The following SPARCL1 variants were observed in gnomAD, a reference collection of about 807,000 sequenced individuals.
The protein encoded by SPARCL1 is SPARC like 1.
In SPARCL1, 52 loss-of-function variants were observed where a neutral mutation model predicts 67.1. The observed-to-expected ratio is 0.78, with a 90% confidence interval of 0.62 to 0.98. The LOEUF (loss-of-function observed/expected upper bound fraction) is 0.98, where lower values mean the gene tolerates loss of function less well. Ranked by LOEUF, SPARCL1 falls within the 50% of genes least tolerant of loss-of-function variation. The pLI, the probability that SPARCL1 is intolerant of heterozygous loss-of-function variation, is 0.00. For missense variants in SPARCL1, 717 were observed against 782.4 expected, an observed-to-expected ratio of 0.92 and a Z score of 1.00; for synonymous variants, 226 against 267.8, an observed-to-expected ratio of 0.84 and a Z score of 1.52.
chr4:87,508,589 C>A (rs1257498850), intron 1 of SPARCL1, among the ~76,000 whole-genome samples: 2 of 151,746 alleles, frequency 1.3e-5, no homozygotes, highest in African/African-American at 2.4e-5. Flanking sequence ...TACAATCACA[C>A]AAGGTAGGTA....
intron 1 of SPARCL1, among the ~76,000 whole-genome samples, chr4:87,510,056 A>G (rs915473116): frequency 6.6e-6 from 1 of 152,248 alleles, no homozygotes; most frequent in Non-Finnish European, 1.5e-5. Flanking sequence ...TAAAGTCATC[A>G]ATTAAAAATT....
intron 3 of SPARCL1, among the ~76,000 whole-genome samples, 165 bp downstream of exon 3, chr4:87,494,816 T>A (rs1365143224): frequency 2.6e-5 from 4 of 152,204 alleles, no homozygotes; most frequent in African/African-American, 9.6e-5. Context: ...GTAAAACTCA[T>A]TAATCCTCAT....
intron 2 of SPARCL1, among the ~76,000 whole-genome samples, chr4:87,495,990 T>A (rs949921712): frequency 6.6e-6 from 1 of 152,112 alleles, no homozygotes; most frequent in Non-Finnish European, 1.5e-5. Context: ...TAAGCCTAAG[T>A]AGAAAAGGGC....
intron 2 of SPARCL1, among the ~76,000 whole-genome samples, chr4:87,498,005 G>A (rs917180893): frequency 2.0e-5 from 3 of 152,066 alleles, no homozygotes; most frequent in African/African-American, 7.2e-5. Context: ...GCGATCCTCT[G>A]GCCTTGACCT....
In SPARCL1 at chr4:87,494,461, A is replaced by G; in HGVS notation, c.339T>C (p.Tyr113=). 1 of 1,614,116 alleles carries G rather than the reference A, an allele frequency of 6.2e-7. No homozygotes were observed. The highest frequency in any genetic ancestry group is 8.5e-7 in the Non-Finnish European group (1 of 1,180,020). Residue 113 remains tyrosine (Y), a synonymous_variant, in exon 4 of 11, where the codon TAT becomes TAC. Transcript: ENST00000282470. ...TGTCCAATGTACCTTCAGTTGGTGCATACTCCAAATTCACACTTAAGTGAC... is the reference window on the plus strand; with the variant it reads ...TGTCCAATGTACCTTCAGTTGGTGCGTACTCCAAATTCACACTTAAGTGAC... ...SDGHLSVNLE[Y]APTEGTLDIK... is the part of the protein sequence containing the mutation.
intron 7 of SPARCL1, among the ~76,000 whole-genome samples, chr4:87,483,486 C>A (rs1190983923): frequency 1.3e-5 from 2 of 152,128 alleles, no homozygotes; most frequent in Admixed American, 1.3e-4. Context: ...CAGTCTATCA[C>A]TGATGGGCAT....
chr4:87,491,540 T>G, intron 5 of SPARCL1, 78 bp downstream of exon 5: 2 of 1,102,028 alleles, frequency 1.8e-6, no homozygotes, highest in Non-Finnish European at 2.8e-6. Context: ...TCACAAAGGA[T>G]GGAGGGACAA....
At chr4:87,498,796 T>C (rs922392994) in intron 2 of SPARCL1, among the ~76,000 whole-genome samples, 3 of 152,184 alleles carry the variant, frequency 2.0e-5, no homozygotes, top group African/African-American at 7.2e-5. Context: ...CTGTTTTCAT[T>C]ATAGACTCTC....
intron 1 of SPARCL1, among the ~76,000 whole-genome samples, chr4:87,506,066 C>A (rs1414332772): frequency 6.6e-6 from 1 of 152,046 alleles, no homozygotes; most frequent in Non-Finnish European, 1.5e-5. Context: ...AGTAGCGAGC[C>A]CCCATCCCCC....
At position 87,479,500 on chromosome 4, in the gene SPARCL1, C is replaced by T. The variant is rs895410947; in HGVS notation, c.1896G>A (p.Glu632=). Residue 632 remains glutamate, a synonymous_variant, in exon 10 of 11, where the codon GAG becomes GAA. Coordinates refer to ENST00000282470, the MANE Select transcript of SPARCL1 (RefSeq NM_004684.6). ...PMEHCITRFF[E]ECDPNKDKHI... is the part of the protein sequence containing the mutation. ...GCTTATCCTTGTTGGGGTCACACTC[C>T]TCAAAGAAACGGGTTATGCAGTGTT... 2.5e-6 allele frequency: 4 copies of T among 1,614,056 alleles called. No homozygotes were observed. Among genetic ancestry groups the T allele is most frequent in the Middle Eastern group, 1.7e-4 (1 of 6,046 alleles).
intron 9 of SPARCL1, among the ~76,000 whole-genome samples, chr4:87,480,160 G>A (rs1322500062): frequency 1.3e-5 from 2 of 151,950 alleles, no homozygotes; most frequent in Admixed American, 6.6e-5. Flanking sequence ...GCTCTATCAA[G>A]TTTCAGACTT....
In SPARCL1 at chr4:87,490,307, A is replaced by G. The variant is rs200408828; in HGVS notation, c.1497T>C (p.His499=). 14 of 1,613,150 alleles carry G rather than the reference A, an allele frequency of 8.7e-6. No homozygotes were observed. The highest frequency in any genetic ancestry group is 1.1e-5 in the Non-Finnish European group (13 of 1,179,612). The change falls in exon 7 of 11, where the codon CAT becomes CAC. Residue 499 remains histidine (H), a synonymous_variant. Coordinates refer to ENST00000282470, the MANE Select transcript of SPARCL1 (RefSeq NM_004684.6). ...KCRLEGTKKG[H]QLQLDYFGAC... ...CTCCAAAATAATCCAGCTGGAGTTG[A>G]TGCCCCTTTTTGGTCCCCTCCAGTC...
intron 1 of SPARCL1, among the ~76,000 whole-genome samples, chr4:87,515,078 G>T (rs969576008): frequency 3.9e-5 from 6 of 152,210 alleles, no homozygotes; most frequent in Admixed American, 2.0e-4. Flanking sequence ...GGAATTCACA[G>T]AATTATTATT....
chr4:87,482,491 A>G lies in SPARCL1; in HGVS notation c.1601T>C (p.Ile534Thr). 1 of 1,614,040 alleles carries G rather than the reference A, an allele frequency of 6.2e-7. No individual in the cohort carries two copies. Among genetic ancestry groups the G allele is most frequent in the Non-Finnish European group, 8.5e-7 (1 of 1,179,948 alleles). Residue 534 changes from isoleucine to threonine, a missense_variant, in exon 8 of 11, where the codon ATC becomes ACC. By Grantham distance (89) the Ile-to-Thr change is moderately conservative (BLOSUM62 -1). Transcript: ENST00000282470. ...PLRMRDWLKN[I>T]LMQLYEANSE... ...GTTGGCTTCATAAAGCTGCATGAGG[A>G]TATTCTTGAGCCAGTCTCTCATCCG... is the stretch of plus-strand genomic sequence containing the variant.
At chr4:87,494,744 A>G in intron 3 of SPARCL1, 146 bp from the exon 4 acceptor site, 1 of 879,554 alleles carries the variant, frequency 1.1e-6, no homozygotes, top group Non-Finnish European at 1.7e-6. Context: ...CTGTAGCCAC[A>G]GGTTTAAACT....
In SPARCL1 at chr4:87,502,698, T is replaced by C. The variant is rs558204350; in HGVS notation, c.-11-3113A>G. On this transcript the variant is annotated intron_variant, in intron 1 of 10. Coordinates refer to ENST00000282470, the MANE Select transcript of SPARCL1 (RefSeq NM_004684.6). ...TTTCCCCAGTTAGTTTGTTTTGATC[T>C]TTGTTTTTCCTGTTGAAAGCTTTTC... Among the ~76,000 whole-genome samples, 5 of 152,358 alleles carry C rather than the reference T, an allele frequency of 3.3e-5. No individual in the cohort carries two copies. In the East Asian group the frequency reaches 9.6e-4, roughly 29 times the overall value.
intron 1 of SPARCL1, among the ~76,000 whole-genome samples, chr4:87,508,004 G>T (rs755640840): frequency 6.6e-6 from 1 of 152,176 alleles, no homozygotes; most frequent in East Asian, 1.9e-4. Flanking sequence ...AGCCCTCCCC[G>T]GAACACACCC....
intron 3 of SPARCL1, 147 bp from the exon 4 acceptor site, chr4:87,494,745 G>A (rs1299163272): frequency 1.1e-6 from 1 of 879,416 alleles, no homozygotes. Context: ...TGTAGCCACA[G>A]GTTTAAACTG....
At chr4:87,509,782 T>C (rs753351197) in intron 1 of SPARCL1, among the ~76,000 whole-genome samples, 1 of 152,252 alleles carries the variant, frequency 6.6e-6, no homozygotes, top group Non-Finnish European at 1.5e-5. Context: ...AGTGTCTGTG[T>C]GTGCACGCAT....
Sources: allele counts gnomAD v4.1 joint callset (sites outside exome capture counted in the v4.1 genomes callset), GRCh38; gene constraint gnomAD v4.1.1; transcripts MANE v1.5; gene names NCBI Gene and HGNC (gene_info 2026-07-23, HGNC 2026-07-21).